ARHGAP39: variants seen among roughly 807,000 people sequenced by gnomAD.
ARHGAP39 encodes Rho GTPase activating protein 39.
A neutral mutation model predicts 106.9 loss-of-function variants in ARHGAP39; 44 were observed. That is an observed-to-expected ratio of 0.41 (90% CI 0.32 to 0.53). The LOEUF (loss-of-function observed/expected upper bound fraction) is 0.53, where lower values mean the gene tolerates loss of function less well. Ranked by LOEUF, ARHGAP39 falls within the 20% of genes least tolerant of loss-of-function variation. ARHGAP39 has a pLI of 0.21. For missense variants in ARHGAP39, 1,496 were observed against 1,577.3 expected, an observed-to-expected ratio of 0.95 and a Z score of 0.87; for synonymous variants, 768 against 693.2, an observed-to-expected ratio of 1.11 and a Z score of -1.69.
chr8:144,615,988 G>A (rs544618008), intron 1 of ARHGAP39, among the ~76,000 whole-genome samples: 1 of 152,370 alleles, frequency 6.6e-6, no homozygotes, highest in Admixed American at 6.5e-5. Flanking sequence ...GGGAGGTCAG[G>A]GCCGGCTTCT....
the ARHGAP39 span, among the ~76,000 whole-genome samples, chr8:144,692,460 C>G: frequency 6.6e-6 from 1 of 152,236 alleles, no homozygotes; most frequent in Non-Finnish European, 1.5e-5. Context: ...AGCACATGGA[C>G]CAAAGCAGGT....
chr8:144,593,751 C>T (rs1420161728), intron 2 of ARHGAP39, among the ~76,000 whole-genome samples: 3 of 152,086 alleles, frequency 2.0e-5, no homozygotes, highest in African/African-American at 7.2e-5. Context: ...CCCTGATCTA[C>T]TGCACTCCCG....
rs943309628 is a variant in ARHGAP39, at chr8:144,685,759, G to T, written c.-155C>A. On this transcript the variant is annotated 5_prime_UTR_variant, in exon 1 of 12. Coordinates refer to ENST00000377307, the MANE Select transcript of ARHGAP39 (RefSeq NM_025251.3). Reference sequence around the variant, plus strand: ...GCGCGACGCGCGTGAGCCAGCCGCCGCTCCCCGGCCTCTCTGCTGCTCCGC... The same window carrying T: ...GCGCGACGCGCGTGAGCCAGCCGCCTCTCCCCGGCCTCTCTGCTGCTCCGC... Among the ~76,000 whole-genome samples the T allele has an allele frequency of 6.1e-5, 9 of 147,680 alleles. No individual in the cohort carries two copies. Among genetic ancestry groups the T allele is most frequent in the Non-Finnish European group, 1.4e-4 (9 of 66,284 alleles).
chr8:144,700,109 C>G, the ARHGAP39 span, among the ~76,000 whole-genome samples: 19 of 152,218 alleles, frequency 1.2e-4, no homozygotes. This position sits in a 1 kb window ranked among gnomAD's most constrained non-coding sequence, Gnocchi z 5.6. Flanking sequence ...TCCTCGTTCT[C>G]CTACGAAGGC....
chr8:144,530,918 C>A, intron 10 of ARHGAP39, 47 bp from the exon 11 acceptor site: 1 of 1,574,032 alleles, frequency 6.4e-7, no homozygotes, highest in Non-Finnish European at 8.6e-7. Context: ...GCGGGCACCC[C>A]TGGGCCAAAT....
At chr8:144,686,626 C>T (rs1822596219), upstream of ARHGAP39, among the ~76,000 whole-genome samples, 1 of 152,204 alleles carries the variant, frequency 6.6e-6, no homozygotes, top group Non-Finnish European at 1.5e-5. Context: ...CCCTGCAGCT[C>T]AGTCGCCTTG....
chr8:144,598,596 T>C (rs1257167083), intron 2 of ARHGAP39, among the ~76,000 whole-genome samples: 3 of 152,206 alleles, frequency 2.0e-5, no homozygotes, highest in Non-Finnish European at 4.4e-5. Flanking sequence ...GACAGCCGGA[T>C]GCATGTGGAA....
intron 1 of ARHGAP39, among the ~76,000 whole-genome samples, chr8:144,633,799 C>T (rs1365928687): frequency 6.6e-6 from 1 of 152,168 alleles, no homozygotes; most frequent in African/African-American, 2.4e-5. Flanking sequence ...ATCTCAGCCC[C>T]CAGAGCAGCC....
At chr8:144,652,464 G>A (rs1365721648) in intron 1 of ARHGAP39, among the ~76,000 whole-genome samples, 1 of 152,116 alleles carries the variant, frequency 6.6e-6, no homozygotes, top group Non-Finnish European at 1.5e-5. Flanking sequence ...GCACATGAAT[G>A]TTCACTGCAG....
At chr8:144,617,426 C>T (rs953928490) in intron 1 of ARHGAP39, among the ~76,000 whole-genome samples, 2 of 140,140 alleles carry the variant, frequency 1.4e-5, no homozygotes, top group African/African-American at 5.0e-5. Context: ...CCCAGCGCCA[C>T]AAACCAGGAG....
In ARHGAP39 at chr8:144,547,780, G is replaced by T. The variant is rs1233619476; in HGVS notation, c.1306C>A (p.Leu436Met). The T allele has an allele frequency of 6.3e-7, 1 of 1,597,488 alleles. No individual in the cohort carries two copies. ...SYSLQPSPCL[L>M]RDQRLGVKSG... ...TTGACGCCCAGGCGCTGGTCCCTCA[G>T]CAGGCAGGGGCTGGGCTGCAAGGAG... The change falls in exon 5 of 12, where the codon CTG (leucine) becomes ATG (methionine). Residue 436 changes from leucine (L) to methionine (M), a missense_variant. Transcript: ENST00000377307. This position sits in a 1 kb window ranked among gnomAD's most constrained non-coding sequence, Gnocchi z 5.2.
In ARHGAP39 at chr8:144,533,280, C is replaced by T. The variant is rs145531716; in HGVS notation, c.2734G>A (p.Ala912Thr). Reference sequence around the variant, plus strand: ...CCGAACATGGACGGGCTGAACACGGCGTTCTTGGCATGCCGGATCTCCTCC... The same window carrying T: ...CCGAACATGGACGGGCTGAACACGGTGTTCTTGGCATGCCGGATCTCCTCC... ...NVEEIRHAKN[A>T]VFSPSMFGSA... The change falls in exon 9 of 12, where the codon GCC (alanine) becomes ACC (threonine). Residue 912 changes from alanine (A) to threonine (T), a missense_variant. Coordinates refer to ENST00000377307, the MANE Select transcript of ARHGAP39 (RefSeq NM_025251.3). 1.4e-5 allele frequency: 22 copies of T among 1,613,000 alleles called. No individual in the cohort carries two copies. The highest frequency in any genetic ancestry group is 9.3e-5 in the African/African-American group (7 of 74,924).
At chr8:144,667,357 G>C (rs572245663) in intron 1 of ARHGAP39, among the ~76,000 whole-genome samples, 1 of 152,302 alleles carries the variant, frequency 6.6e-6, no homozygotes, top group East Asian at 1.9e-4. Flanking sequence ...CCCAAATGAA[G>C]TGTCTTTGTG....
At chr8:144,685,964 T>G (rs964762301), upstream of ARHGAP39, among the ~76,000 whole-genome samples, 20 of 151,070 alleles carry the variant, frequency 1.3e-4, no homozygotes, top group African/African-American at 4.4e-4. Flanking sequence ...ACGCATGCGC[T>G]GGCGCGCGGC....
In ARHGAP39 at chr8:144,532,407, C is replaced by T. The variant is rs768244228; in HGVS notation, c.2889-11G>A. ...ATGTCCCCAGGGACCCTGCAGGGCA[C>T]AGGGCAGGTCTCAGGCAACAGGAGC... On this transcript the variant is annotated splice_polypyrimidine_tract_variant and intron_variant, in intron 9 of 11. Transcript: ENST00000377307. The T allele has an allele frequency of 6.2e-6, 10 of 1,610,162 alleles. No individual in the cohort carries two copies. In the Admixed American group the frequency reaches 1.7e-4, roughly 27 times the overall value.
chr8:144,639,705 C>T (rs538438410), intron 1 of ARHGAP39, among the ~76,000 whole-genome samples: 19 of 151,866 alleles, frequency 1.3e-4, no homozygotes, highest in Non-Finnish European at 2.1e-4. Context: ...AAGTAGAAGA[C>T]GCCACAATCA....
intron 1 of ARHGAP39, among the ~76,000 whole-genome samples, chr8:144,659,592 T>C (rs1164029116): frequency 1.3e-5 from 2 of 152,178 alleles, no homozygotes; most frequent in South Asian, 4.2e-4. Flanking sequence ...TCAAGCTTAA[T>C]TGGAGGACAT....
intron 2 of ARHGAP39, among the ~76,000 whole-genome samples, chr8:144,596,280 C>G (rs1563694539): frequency 6.6e-6 from 1 of 150,870 alleles, no homozygotes; most frequent in Non-Finnish European, 1.5e-5. Flanking sequence ...TGAGGCCTCG[C>G]CACCCCGGCA....
upstream of ARHGAP39, among the ~76,000 whole-genome samples, chr8:144,688,268 T>C (rs1419655271): frequency 6.6e-6 from 1 of 152,100 alleles, no homozygotes; most frequent in African/African-American, 2.4e-5. Flanking sequence ...AACTCCTGGC[T>C]AATTTTTTGT....
Sources: gnomAD v4.1 joint callset for allele counts (sites outside exome capture counted in the v4.1 genomes callset) on GRCh38, gnomAD v4.1.1 for gene constraint, Gnocchi (gnomAD v3.1) non-coding constraint, MANE v1.5 for transcripts, NCBI Gene and HGNC (gene_info 2026-07-23, HGNC 2026-07-21) for gene names.